DDX17: variants seen among roughly 807,000 people sequenced by gnomAD.
DDX17 encodes DEAD-box helicase 17, also known as probable ATP-dependent RNA helicase DDX17.
DDX17 carries 10 observed loss-of-function variants against 80.8 expected under a neutral mutation model. The ratio of observed to expected loss-of-function variants is 0.12; its 90% CI spans 0.08 to 0.21. DDX17 has a LOEUF of 0.21. Ranked by LOEUF, DDX17 falls within the 10% of genes least tolerant of loss-of-function variation. The pLI, the probability that DDX17 is intolerant of heterozygous loss-of-function variation, is 1.00. For missense variants in DDX17, 586 were observed against 957.4 expected (o/e 0.61, Z 5.12); for synonymous variants, 339 against 336.2 (o/e 1.01, Z -0.09).
At chr22:38,488,398 T>C in intron 11 of DDX17, 1 of 1,297,428 alleles carries the variant, frequency 7.7e-7, no homozygotes, top group Non-Finnish European at 9.9e-7. Flanking sequence ...TGCTACATTT[T>C]ACCAATATAC....
chr22:38,499,662 CTACT>C (rs1475050259), intron 2 of DDX17, among the ~76,000 whole-genome samples, 163 bp from the exon 3 acceptor site: 2 of 152,110 alleles, frequency 1.3e-5, no homozygotes, highest in Non-Finnish European at 2.9e-5. Context: ...TGCAAGGCTC[CTACT>C]TACTTTGTAA....
Position 38,490,081 on chromosome 22 carries a change from A to G in DDX17, c.1448-1966T>C, listed in dbSNP as rs182129634. On this transcript the variant is annotated intron_variant, in intron 11 of 12. Transcript: ENST00000403230. ...GGCAGACATGATGCAAGTTCTTCAT[A>G]CTAGAAAGGTGTCCTGTGTGTGCAT... The G allele has an allele frequency of 4.6e-4, 498 of 1,078,606 alleles. 1 individual carries two copies. In the African/African-American group the frequency reaches 7.9e-3, roughly 17 times the overall value. The allele number at this position is 1,078,606 out of a possible 1,614,324, so 66.8% of individuals were successfully genotyped here. A position where few individuals can be genotyped will look rare whatever the true frequency, so the allele number is the denominator to read the frequency against.
At chr22:38,494,257 A>T (rs1379692085) in intron 8 of DDX17, 126 bp from the exon 9 acceptor site, 2 of 672,684 alleles carry the variant, frequency 3.0e-6, no homozygotes, top group Non-Finnish European at 5.0e-6. Context: ...ATTTTTAATA[A>T]CTATTAGAGT....
At position 38,488,479 on chromosome 22, in the gene DDX17, A is replaced by G. The variant is rs905151284; in HGVS notation, c.1448-364T>C. 6.3e-6 allele frequency: 7 copies of G among 1,112,294 alleles called. No homozygotes were observed. The East Asian group carries it at 3.8e-4, about 61-fold the overall frequency. 68.9% of individuals were successfully genotyped at this position (1,112,294 alleles called of 1,614,324 possible). A position where few individuals can be genotyped will look rare whatever the true frequency, so the allele number is the denominator to read the frequency against. On this transcript the variant is annotated intron_variant, in intron 11 of 12. Coordinates refer to ENST00000403230, the MANE Select transcript of DDX17 (RefSeq NM_006386.5). ...ACTATCCTTTACAAAACCAGAACAT[A>G]GAACAAAGTGGTAAACCACTGTGAA...
At position 38,498,163 on chromosome 22, in the gene DDX17, GA is replaced by G. The variant is rs1569141412; in HGVS notation, c.673-14del. The G allele has an allele frequency of 3.7e-6, 6 of 1,613,248 alleles. No homozygotes were observed. The highest frequency in any genetic ancestry group is 4.2e-6 in the Non-Finnish European group (5 of 1,179,464). On this transcript the variant is annotated splice_polypyrimidine_tract_variant and intron_variant, in intron 4 of 12. Transcript: ENST00000403230. ...CAGGCAGGAGATACTGTGGAGGGGGGAAAGAATGACAACCTTACGCTTAGAA... is the reference window on the plus strand; with the variant it reads ...CAGGCAGGAGATACTGTGGAGGGGGGAAGAATGACAACCTTACGCTTAGAA...
intron 4 of DDX17, 31 bp downstream of exon 4, chr22:38,498,409 A>T (rs1268074651): frequency 6.2e-7 from 1 of 1,612,208 alleles, no homozygotes; most frequent in East Asian, 2.2e-5. Context: ...AGTTACCACA[A>T]TATCAAGGAT....
At position 38,499,441 on chromosome 22, in the gene DDX17, C is replaced by A; in HGVS notation, c.497G>T (p.Cys166Phe). 2 of 1,614,088 alleles carry A rather than the reference C, an allele frequency of 1.2e-6. No homozygotes were observed. The highest frequency in any genetic ancestry group is 8.5e-7 in the Non-Finnish European group (1 of 1,179,996). ...ATGGAAGGCAAACACGGGTTTAGGA[C>A]AAACATCTCCCCCCCTCACTGTAAT... Residue 166 changes from cysteine to phenylalanine, a missense_variant, in exon 3 of 13, where the codon TGT (cysteine) becomes TTT (phenylalanine). Coordinates refer to ENST00000403230, the MANE Select transcript of DDX17 (RefSeq NM_006386.5).
At position 38,485,026 on chromosome 22, in the gene DDX17, T is replaced by A. The variant is rs2073542197; in HGVS notation, c.*909A>T. On this transcript the variant is annotated 3_prime_UTR_variant, in exon 13 of 13. Coordinates refer to ENST00000403230, the MANE Select transcript of DDX17 (RefSeq NM_006386.5). ...ATTGTTTATAATTAAATGTGCTTTT[T>A]ACACTGCAGGTCAATATAAAAACTG... 3.9e-5 allele frequency: 6 copies of A among 152,262 alleles called. No individual in the cohort carries two copies. The highest frequency in any genetic ancestry group is 3.9e-4 in the Admixed American group (6 of 15,288). 9.4% of individuals were successfully genotyped at this position (152,262 alleles called of 1,614,324 possible). A position where few individuals can be genotyped will look rare whatever the true frequency, so the allele number is the denominator to read the frequency against.
At position 38,489,124 on chromosome 22, in the gene DDX17, A is replaced by G. The variant is rs1475945797; in HGVS notation, c.1448-1009T>C. On this transcript the variant is annotated intron_variant, in intron 11 of 12. Transcript: ENST00000403230. This position sits in a 1 kb window ranked among gnomAD's most constrained non-coding sequence, Gnocchi z 4.6. ...AACAAAGAATCCTACTGTTTTGTGG[A>G]AAAAAATCTGCATTTTACAAAGAAT... 7 of 984,560 alleles carry G rather than the reference A, an allele frequency of 7.1e-6. No homozygotes were observed. Among genetic ancestry groups the G allele is most frequent in the African/African-American group, 3.5e-5 (2 of 57,200 alleles). The allele number at this position is 984,560 out of a possible 1,614,324, so 61.0% of individuals were successfully genotyped here.
chr22:38,501,834 G>C (rs141565903), intron 1 of DDX17, among the ~76,000 whole-genome samples: 30 of 152,338 alleles, frequency 2.0e-4, no homozygotes, highest in African/African-American at 7.2e-4. Flanking sequence ...GTTTGAAGTG[G>C]TGCTGTGCTG....
chr22:38,505,591 GCC>G (rs532146672), intron 1 of DDX17: 2 of 239,338 alleles, frequency 8.4e-6, no homozygotes, highest in African/African-American at 2.3e-5. Flanking sequence ...ACATCGAACA[GCC>G]CGCCCGAAGC....
intron 2 of DDX17, among the ~76,000 whole-genome samples, chr22:38,499,741 G>A (rs978768914): frequency 6.6e-6 from 1 of 152,078 alleles, no homozygotes; most frequent in Non-Finnish European, 1.5e-5. Context: ...TAAGTAACTT[G>A]CTCAAGGTCA....
chr22:38,506,065 T>G lies in DDX17; in HGVS notation c.173A>C (p.Glu58Ala). The change falls in exon 1 of 13, where the codon GAG becomes GCG. Residue 58 changes from glutamate to alanine, a missense_variant. Transcript: ENST00000403230. ...GGCCGGGCTCGGGAGGGCCTGCGGC[T>G]CCGGTCTGGTGACGACCGATGGCGG... The G allele has an allele frequency of 6.3e-7, 1 of 1,585,088 alleles. No homozygotes were observed. The highest frequency in any genetic ancestry group is 2.3e-5 in the East Asian group (1 of 43,526).
chr22:38,506,046 G>T lies in DDX17; in HGVS notation c.192C>A (p.Ser64Arg). The change falls in exon 1 of 13, where the codon AGC becomes AGA. Residue 64 changes from serine to arginine, a missense_variant. By Grantham distance (110) the Ser-to-Arg change is moderately radical. Coordinates refer to ENST00000403230, the MANE Select transcript of DDX17 (RefSeq NM_006386.5). ...CTGGGAGCGGGGCACGGATGGCCGG[G>T]CTCGGGAGGGCCTGCGGCTCCGGTC... 2 of 1,585,522 alleles carry T rather than the reference G, an allele frequency of 1.3e-6. No individual in the cohort carries two copies. Among genetic ancestry groups the T allele is most frequent in the East Asian group, 4.6e-5 (2 of 43,548 alleles).
At position 38,494,617 on chromosome 22, in the gene DDX17, A is replaced by C; in HGVS notation, c.1214+13T>G. On this transcript the variant is annotated intron_variant, in intron 8 of 12. Coordinates refer to ENST00000403230, the MANE Select transcript of DDX17 (RefSeq NM_006386.5). Reference sequence around the variant, plus strand: ...ATCAGCATTATCAAATCAGAGTAAAATATCTTTCATACTTGTGGTCTTTTT... The same window carrying C: ...ATCAGCATTATCAAATCAGAGTAAACTATCTTTCATACTTGTGGTCTTTTT... 12 of 1,612,790 alleles carry C rather than the reference A, an allele frequency of 7.4e-6. No homozygotes were observed. Among genetic ancestry groups the C allele is most frequent in the Non-Finnish European group, 9.3e-6 (11 of 1,179,052 alleles).
chr22:38,486,172 T>C lies in DDX17; in HGVS notation c.1953A>G (p.Thr651=), dbSNP rs1332900033. Reference sequence around the variant, plus strand: ...AAGTGCCAGCACCATATTCTTGAGCTGTATAGCTACTGGTGCCATAAGCAG... The same window carrying C: ...AAGTGCCAGCACCATATTCTTGAGCCGTATAGCTACTGGTGCCATAAGCAG... The change falls in exon 13 of 13, where the codon ACA becomes ACG. Residue 651 remains threonine, a synonymous_variant. Transcript: ENST00000403230. 3 of 1,614,090 alleles carry C rather than the reference T, an allele frequency of 1.9e-6. No homozygotes were observed. Among genetic ancestry groups the C allele is most frequent in the African/African-American group, 2.7e-5 (2 of 74,936 alleles).
Position 38,483,452 on chromosome 22 carries a change from G to A in DDX17, c.*2483C>T, listed in dbSNP as rs1312809834. On this transcript the variant is annotated 3_prime_UTR_variant, in exon 13 of 13. Transcript: ENST00000403230. ...AAGCTCACACCTTATTGTCAACAGTGTTTTTATTTATACCTACAAAAAGAA... is the reference window on the plus strand; with the variant it reads ...AAGCTCACACCTTATTGTCAACAGTATTTTTATTTATACCTACAAAAAGAA... 6.6e-6 allele frequency: 1 copy of A among 152,452 alleles called. No homozygotes were observed. The highest frequency in any genetic ancestry group is 1.5e-5 in the Non-Finnish European group (1 of 68,036). 9.4% of individuals were successfully genotyped at this position (152,452 alleles called of 1,614,324 possible).
At chr22:38,498,602 T>C in intron 3 of DDX17, 29 bp from the exon 4 acceptor site, 1 of 1,611,872 alleles carries the variant, frequency 6.2e-7, no homozygotes, top group Non-Finnish European at 8.5e-7. Flanking sequence ...TTGCGTATTT[T>C]ATTGTGTTTA....
At chr22:38,493,155 AT>A (rs2089729626) in intron 10 of DDX17, among the ~76,000 whole-genome samples, 2 of 152,156 alleles carry the variant, frequency 1.3e-5, no homozygotes. Context: ...CACAACGCCT[AT>A]TTTTGCAAAT....
Sources: gnomAD v4.1 joint callset for allele counts (sites outside exome capture counted in the v4.1 genomes callset) on GRCh38, gnomAD v4.1.1 for gene constraint, Gnocchi (gnomAD v3.1) non-coding constraint, MANE v1.5 for transcripts, NCBI Gene and HGNC (gene_info 2026-07-23, HGNC 2026-07-21) for gene names.